The following PDIA4 variants were observed in gnomAD, a reference collection of about 807,000 sequenced individuals.
PDIA4 encodes the protein protein disulfide-isomerase A4.
In PDIA4, 33 loss-of-function variants were observed where a neutral mutation model predicts 62.1. That is an observed-to-expected ratio of 0.53 (90% confidence interval 0.40 to 0.71). The LOEUF (loss-of-function observed/expected upper bound fraction) is 0.71. Among genes scored for constraint, PDIA4 ranks in the 30% least tolerant of loss-of-function variants. The probability of loss-of-function intolerance (pLI) is 0.00; values close to 1 mark genes in which losing one functional copy is unlikely to be tolerated. For synonymous variants in PDIA4, 341 were observed against 324.1 expected (o/e 1.05, Z -0.56); for missense variants, 804 against 813.6 (o/e 0.99, Z 0.14).
At position 149,011,928 on chromosome 7, in the gene PDIA4, G is replaced by T. The variant is rs372415891; in HGVS notation, c.897C>A (p.Phe299Leu). The part of the protein sequence containing the change: ...EILTLKQVQE[F>L]LKDGDDVIII... ...TGATGACATCGTCTCCATCCTTCAG[G>T]AACTCCTGGACCTGCTTCAGGGTCA... The change falls in exon 6 of 10, where the codon TTC (phenylalanine) becomes TTA (leucine). Residue 299 changes from phenylalanine (F) to leucine (L), a missense_variant. By Grantham distance (22) the Phe-to-Leu change is conservative. Transcript: ENST00000652332. 8.7e-6 allele frequency: 14 copies of T among 1,610,128 alleles called. No homozygotes were observed. In the African/African-American group the frequency reaches 1.7e-4, roughly 20 times the overall value.
At position 149,005,394 on chromosome 7, in the gene PDIA4, A is replaced by T. The variant is rs7795577; in HGVS notation, c.1289-20T>A. The T allele has an allele frequency of 1.4e-5, 22 of 1,559,648 alleles. No homozygotes were observed. Among genetic ancestry groups the T allele is most frequent in the Non-Finnish European group, 1.9e-5 (21 of 1,130,650 alleles). ...GAGTTGCTGAAAGGGACCAAGGGCCATAAGCCAGGCGGCCACACAGAGCAA... is the reference window on the plus strand; with the variant it reads ...GAGTTGCTGAAAGGGACCAAGGGCCTTAAGCCAGGCGGCCACACAGAGCAA... On this transcript the variant is annotated intron_variant, in intron 8 of 9. Transcript: ENST00000652332.
chr7:149,023,354 A>G (rs763494139), intron 1 of PDIA4, among the ~76,000 whole-genome samples: 5 of 152,180 alleles, frequency 3.3e-5, no homozygotes, highest in Non-Finnish European at 7.3e-5. Context: ...TGCCCACTGT[A>G]TTTACCTGTG....
chr7:149,026,917 T>C (rs996851719), intron 1 of PDIA4, among the ~76,000 whole-genome samples: 1 of 152,022 alleles, frequency 6.6e-6, no homozygotes, highest in African/African-American at 2.4e-5. Flanking sequence ...CTCTTCTGTG[T>C]TAAAGACCTC....
At chr7:149,005,607 C>A (rs551535872) in intron 8 of PDIA4, among the ~76,000 whole-genome samples, 283 of 152,362 alleles carry the variant, frequency 1.9e-3, no homozygotes, top group Non-Finnish European at 3.4e-3. Flanking sequence ...CCACGCCTGC[C>A]TGGGGCCAGG....
chr7:149,018,484 T>C (rs1824222956), intron 3 of PDIA4, among the ~76,000 whole-genome samples: 1 of 151,732 alleles, frequency 6.6e-6, no homozygotes, highest in Non-Finnish European at 1.5e-5. Flanking sequence ...CAGGCTGGAG[T>C]GAAGTGGCAC....
intron 5 of PDIA4, 21 bp downstream of exon 5, chr7:149,012,134 G>A (rs1000685174): frequency 5.0e-6 from 8 of 1,612,094 alleles, no homozygotes; most frequent in Non-Finnish European, 6.8e-6. Context: ...ACTGTAGTGG[G>A]AGAGAAGGGA....
At chr7:149,018,390 C>T (rs1349451591) in intron 3 of PDIA4, among the ~76,000 whole-genome samples, 1 of 152,078 alleles carries the variant, frequency 6.6e-6, no homozygotes, top group Non-Finnish European at 1.5e-5. Context: ...TGCTCTAGAC[C>T]ACCACCAAGA....
At chr7:149,013,463 G>C (rs1824022460) in intron 4 of PDIA4, among the ~76,000 whole-genome samples, 1 of 152,128 alleles carries the variant, frequency 6.6e-6, no homozygotes, top group Admixed American at 6.6e-5. Flanking sequence ...GGTCGCTTGA[G>C]GCCAGGAGTT....
Position 149,012,287 on chromosome 7 carries a change from T to C in PDIA4, c.688A>G (p.Ile230Val), listed in dbSNP as rs775364359. ...AKELSKRSPPIPLAKVDATAE... is the reference protein window; with the variant it reads ...AKELSKRSPPVPLAKVDATAE... ...GTGGCGTCGACCTTTGCCAGGGGAA[T>C]TGGAGGAGAACGCTTGCTGAGCTCC... The change falls in exon 5 of 10, where the codon ATT (isoleucine) becomes GTT (valine). Residue 230 changes from isoleucine (I) to valine (V), a missense_variant. Transcript: ENST00000652332. The C allele has an allele frequency of 2.5e-6, 4 of 1,613,974 alleles. No homozygotes were observed. Among genetic ancestry groups the C allele is most frequent in the South Asian group, 1.1e-5 (1 of 91,074 alleles).
chr7:149,026,003 A>C (rs1444607225), intron 1 of PDIA4, among the ~76,000 whole-genome samples: 9 of 151,954 alleles, frequency 5.9e-5, no homozygotes, highest in Non-Finnish European at 1.3e-4. Context: ...CTTAGGGTGT[A>C]TTTAGTAACC....
chr7:149,005,835 T>C lies in PDIA4; in HGVS notation c.1288+62A>G, dbSNP rs547701993. 6 of 1,340,258 alleles carry C rather than the reference T, an allele frequency of 4.5e-6. No individual in the cohort carries two copies. In the African/African-American group the frequency reaches 6.1e-5, roughly 14 times the overall value. 83.0% of individuals were successfully genotyped at this position (1,340,258 alleles called of 1,614,324 possible). A position where few individuals can be genotyped will look rare whatever the true frequency, so the allele number is the denominator to read the frequency against. Reference sequence around the variant, plus strand: ...CCACACCTCCCCTCAACACTCCACCTTGCCTGAAAGAACGAGTCCCCCCAC... The same window carrying C: ...CCACACCTCCCCTCAACACTCCACCCTGCCTGAAAGAACGAGTCCCCCCAC... On this transcript the variant is annotated intron_variant, in intron 8 of 9. Coordinates refer to ENST00000652332, the MANE Select transcript of PDIA4 (RefSeq NM_004911.5).
chr7:149,015,371 G>A lies in PDIA4; in HGVS notation c.476-329C>T, dbSNP rs892579042. Among the ~76,000 whole-genome samples, 10 of 151,016 alleles carry A rather than the reference G, an allele frequency of 6.6e-5. No individual in the cohort carries two copies. The South Asian group carries it at 1.7e-3, about 25-fold the overall frequency. Reference sequence around the variant, plus strand: ...CGCAAACCCTCACCAACTCCCAATGGTTTTGATTACATATGCCTATGGATA... The same window carrying A: ...CGCAAACCCTCACCAACTCCCAATGATTTTGATTACATATGCCTATGGATA... On this transcript the variant is annotated intron_variant, in intron 3 of 9. Transcript: ENST00000652332.
Position 149,003,553 on chromosome 7 carries a change from T to C in PDIA4, c.*241A>G, listed in dbSNP as rs1176730720. On this transcript the variant is annotated 3_prime_UTR_variant, in exon 10 of 10. Coordinates refer to ENST00000652332, the MANE Select transcript of PDIA4 (RefSeq NM_004911.5). ...ATTAGAAGGTGTAAAAAAAAATTTT[T>C]CAAACCCCAAATAATGATAAAAATA... 2.7e-6 allele frequency: 1 copy of C among 372,414 alleles called. No homozygotes were observed. The highest frequency in any genetic ancestry group is 4.7e-6 in the Non-Finnish European group (1 of 211,206). The allele number at this position is 372,414 out of a possible 1,614,324, so 23.1% of individuals were successfully genotyped here.
chr7:149,014,486 G>A (rs1315709834), intron 4 of PDIA4, among the ~76,000 whole-genome samples: 1 of 152,038 alleles, frequency 6.6e-6, no homozygotes, highest in Non-Finnish European at 1.5e-5. Flanking sequence ...TCCCTTGAGA[G>A]CCGTCTTCTT....
At chr7:149,022,062 A>G (rs929381946) in intron 1 of PDIA4, among the ~76,000 whole-genome samples, 4 of 152,188 alleles carry the variant, frequency 2.6e-5, no homozygotes, top group Non-Finnish European at 5.9e-5. Context: ...CCTGGCCCCA[A>G]AAGAGTACCA....
Position 149,014,808 on chromosome 7 carries a change from T to C in PDIA4, c.614+96A>G. 2.5e-6 allele frequency: 3 copies of C among 1,196,224 alleles called. No homozygotes were observed. The South Asian group carries it at 4.2e-5, about 17-fold the overall frequency. 74.1% of individuals were successfully genotyped at this position (1,196,224 alleles called of 1,614,324 possible). On this transcript the variant is annotated intron_variant, in intron 4 of 9. Coordinates refer to ENST00000652332, the MANE Select transcript of PDIA4 (RefSeq NM_004911.5). ...GGCCTACAACTCGTGCCCACCTTGC[T>C]CCTCTGCTGTTCCTGCCTCACGGGC...
intron 3 of PDIA4, among the ~76,000 whole-genome samples, chr7:149,018,196 TC>T (rs1167052889): frequency 1.3e-5 from 2 of 151,280 alleles, no homozygotes; most frequent in Non-Finnish European, 2.9e-5. Context: ...GCCACTGCAC[TC>T]CAGCCTGGGC....
In PDIA4 at chr7:149,021,158, A is replaced by T. The variant is rs779545225; in HGVS notation, c.89-11T>A. ...CTCTGTTAGAAGAATCTGAGTGGAAAACACCCAGACTGGTTACAAAGCTGG... is the reference window on the plus strand; with the variant it reads ...CTCTGTTAGAAGAATCTGAGTGGAATACACCCAGACTGGTTACAAAGCTGG... On this transcript the variant is annotated splice_polypyrimidine_tract_variant and intron_variant, in intron 1 of 9. Transcript: ENST00000652332. 6.4e-7 allele frequency: 1 copy of T among 1,567,792 alleles called. No homozygotes were observed. Among genetic ancestry groups the T allele is most frequent in the Non-Finnish European group, 8.6e-7 (1 of 1,156,370 alleles).
At chr7:149,024,814 TAAAAAAAAAAAAAAAAAAA>T (rs539798193) in intron 1 of PDIA4, among the ~76,000 whole-genome samples, 1 of 89,396 alleles carries the variant, frequency 1.1e-5, no homozygotes, top group Non-Finnish European at 2.0e-5. Context: ...GACTGTCATT[TAAAAAAAAAAAAAAAAAAA>T]AAAAAAAAAG....
Sources: allele counts gnomAD v4.1 joint callset (sites outside exome capture counted in the v4.1 genomes callset), GRCh38; gene constraint gnomAD v4.1.1; transcripts MANE v1.5; gene names NCBI Gene and HGNC (gene_info 2026-07-23, HGNC 2026-07-21).